Variants in HEATR5B observed in about 807,000 individuals in gnomAD.
HEATR5B encodes the protein HEAT repeat-containing protein 5B.
A neutral mutation model predicts 224.1 loss-of-function variants in HEATR5B; 156 were observed. The observed-to-expected ratio is 0.70, with a 90% CI of 0.61 to 0.80. The LOEUF (loss-of-function observed/expected upper bound fraction) is 0.80, where lower values mean the gene tolerates loss of function less well. Among genes scored for constraint, HEATR5B ranks in the 30% least tolerant of loss-of-function variants. The pLI is 0.00. For synonymous variants in HEATR5B, 1,027 were observed against 893.0 expected, an observed-to-expected ratio of 1.15 and a Z score of -2.68; for missense variants, 2,323 against 2,535.5, an observed-to-expected ratio of 0.92 and a Z score of 1.80.
chr2:37,049,153 C>A (rs1009857938), intron 18 of HEATR5B, among the ~76,000 whole-genome samples: 2 of 152,154 alleles, frequency 1.3e-5, no homozygotes, highest in Non-Finnish European at 2.9e-5. Context: ...TTATTTGGGT[C>A]TCTGAGATCA....
chr2:37,071,368 CG>C (rs1671896322), intron 6 of HEATR5B, among the ~76,000 whole-genome samples: 1 of 152,110 alleles, frequency 6.6e-6, no homozygotes. Flanking sequence ...GATATCTCTA[CG>C]GAACTGTGAA....
chr2:36,990,581 A>C (rs571184027), intron 34 of HEATR5B, 67 bp downstream of exon 34: 97 of 1,349,472 alleles, frequency 7.2e-5, no homozygotes, highest in Non-Finnish European at 4.3e-5. Flanking sequence ...TATTTTAATG[A>C]ATCAATCTGA....
chr2:36,985,638 T>G (rs61022803), intron 35 of HEATR5B, among the ~76,000 whole-genome samples: 29,771 of 143,674 alleles, frequency 0.21, 4,318 homozygotes, highest in East Asian at 0.64. Flanking sequence ...TTTTTTTTTT[T>G]TTTTTTTCAG....
At chr2:37,055,060 A>G in intron 16 of HEATR5B, 2 of 392,438 alleles carry the variant, frequency 5.1e-6, no homozygotes, top group Non-Finnish European at 1.1e-5. Context: ...ACTTTAAAAA[A>G]TTCTTAAAAG....
intron 14 of HEATR5B, among the ~76,000 whole-genome samples, chr2:37,058,214 T>C (rs1382887166): frequency 6.6e-6 from 1 of 152,036 alleles, no homozygotes; most frequent in Non-Finnish European, 1.5e-5. Context: ...ATCTATAAAA[T>C]AGGGCTAAAG....
At chr2:37,072,347 G>C in intron 5 of HEATR5B, 66 bp from the exon 6 acceptor site, 2 of 1,157,190 alleles carry the variant, frequency 1.7e-6, no homozygotes, top group South Asian at 2.9e-5. Context: ...GGAATAGCAA[G>C]AACCAGACTT....
chr2:37,079,010 A>G, intron 3 of HEATR5B, 110 bp downstream of exon 3: 1 of 620,648 alleles, frequency 1.6e-6, no homozygotes, highest in Non-Finnish European at 2.8e-6. Flanking sequence ...TGTTAGCAGC[A>G]TGTCGCAGGT....
At position 37,064,886 on chromosome 2, in the gene HEATR5B, G is replaced by C. The variant is rs770873851; in HGVS notation, c.1438C>G (p.Leu480Val). 2 of 1,614,166 alleles carry C rather than the reference G, an allele frequency of 1.2e-6. No homozygotes were observed. Among genetic ancestry groups the C allele is most frequent in the Non-Finnish European group, 1.7e-6 (2 of 1,180,016 alleles). The stretch of plus-strand genomic sequence containing the variant: ...GCACACCTGTCTAGAAATGGTGTCA[G>C]CTGGAAAGGTAATGCCACAGCCACA... ...RCVAVALPFQ[L>V]TPFLDRCAER... The change falls in exon 10 of 36, where the codon CTG becomes GTG. Residue 480 changes from leucine to valine, a missense_variant. Leu to Val is a conservative substitution (Grantham distance 32). Around this residue, in one of 12 missense-constraint regions of HEATR5B, gnomAD observed 502 missense variants for 517.8 expected, o/e 0.97. Coordinates refer to ENST00000233099, the MANE Select transcript of HEATR5B (RefSeq NM_019024.3).
chr2:36,983,727 C>CA (rs576828311), intron 35 of HEATR5B, among the ~76,000 whole-genome samples: 3 of 140,818 alleles, frequency 2.1e-5, no homozygotes, highest in East Asian at 2.1e-4. Context: ...GACTCCCTTT[C>CA]AAAAAAAAAA....
chr2:36,994,858 C>T (rs1666582970), intron 33 of HEATR5B, among the ~76,000 whole-genome samples: 1 of 151,820 alleles, frequency 6.6e-6, no homozygotes, highest in African/African-American at 2.4e-5. Flanking sequence ...TCACGCCATG[C>T]TCCTGCCTCA....
At chr2:37,032,087 A>G (rs749863850) in intron 22 of HEATR5B, among the ~76,000 whole-genome samples, 1 of 152,232 alleles carries the variant, frequency 6.6e-6, no homozygotes, top group Non-Finnish European at 1.5e-5. Flanking sequence ...TTCTTAGAGG[A>G]AAAATTACAT....
chr2:37,005,584 T>C (rs759809417), intron 30 of HEATR5B, 48 bp downstream of exon 30: 121 of 1,561,564 alleles, frequency 7.7e-5, no homozygotes, highest in Non-Finnish European at 9.8e-5. Flanking sequence ...TGTAAAGCAA[T>C]ACTCAAAAAA....
chr2:37,058,815 C>T (rs952218237), intron 13 of HEATR5B, 73 bp downstream of exon 13: 1 of 948,720 alleles, frequency 1.1e-6, no homozygotes, highest in Non-Finnish European at 1.6e-6. Flanking sequence ...TAGAAGAAAG[C>T]ACAAAATATG....
At chr2:37,060,835 G>T in intron 11 of HEATR5B, 102 bp from the exon 12 acceptor site, 1 of 877,386 alleles carries the variant, frequency 1.1e-6, no homozygotes, top group East Asian at 2.7e-5. Context: ...TAATTTTAGA[G>T]ATGAAAATAG....
At chr2:37,013,795 G>C in intron 27 of HEATR5B, 46 bp downstream of exon 27, 1 of 1,451,494 alleles carries the variant, frequency 6.9e-7, no homozygotes, top group Non-Finnish European at 9.2e-7. Flanking sequence ...TTTTCTCATG[G>C]ATGAAGAAAT....
intron 33 of HEATR5B, among the ~76,000 whole-genome samples, chr2:36,995,576 T>C (rs1666645409): frequency 1.3e-5 from 2 of 152,182 alleles, no homozygotes; most frequent in Admixed American, 6.5e-5. Context: ...AATGTATTCA[T>C]TGTTTAAAAT....
chr2:37,032,146 G>A (rs1669173527), intron 22 of HEATR5B, among the ~76,000 whole-genome samples: 1 of 152,068 alleles, frequency 6.6e-6, no homozygotes. Flanking sequence ...AAGTGCCCCT[G>A]AAACATCCTC....
chr2:37,005,679 T>TATG lies in HEATR5B; in HGVS notation c.4855_4857dup (p.His1619dup), dbSNP rs756556066. On this transcript the variant is annotated inframe_insertion, in exon 30 of 36. Transcript: ENST00000233099. ...CGAGCATAAGGGGAGTCTAGCAAGG[T>TATG]ATGTAAGGCCTGCAGGCATGCTGTA... The TATG allele has an allele frequency of 8.7e-6, 14 of 1,613,272 alleles. No individual in the cohort carries two copies. The highest frequency in any genetic ancestry group is 1.2e-5 in the Non-Finnish European group (14 of 1,179,270).
At chr2:37,059,050 A>C in intron 12 of HEATR5B, 63 bp from the exon 13 acceptor site, 1 of 983,152 alleles carries the variant, frequency 1.0e-6, no homozygotes, top group Non-Finnish European at 1.5e-6. Context: ...TTAATTTATA[A>C]AATTGTATAA....
Sources: allele counts gnomAD v4.1 joint callset (sites outside exome capture counted in the v4.1 genomes callset), GRCh38; gene constraint gnomAD v4.1.1; regional missense constraint gnomAD v4.1.1; transcripts MANE v1.5; gene names NCBI Gene and HGNC (gene_info 2026-07-23, HGNC 2026-07-21).